PTN: variants seen among roughly 807,000 people sequenced by gnomAD.
The protein encoded by PTN is heparin affin regulatory protein.
A neutral mutation model predicts 24.1 loss-of-function variants in PTN; 18 were observed. That is an observed-to-expected ratio of 0.75 (90% CI 0.52 to 1.11). The LOEUF is 1.11. PTN is among the 50% of genes least tolerant of loss of function. PTN has a pLI of 0.00. For missense variants in PTN, 163 were observed against 198.8 expected (o/e 0.82, Z 1.08); for synonymous variants, 78 against 68.6 (o/e 1.14, Z -0.67).
rs764352605 is a variant in PTN, at chr7:137,251,300, G to A, written c.381C>T (p.His127=). Reference sequence around the variant, plus strand: ...TGACAGTCTTCTGGCATTCGGCATTGTGCAGGGCTCGCTTCAGACTTCCAG... The same window carrying A: ...TGACAGTCTTCTGGCATTCGGCATTATGCAGGGCTCGCTTCAGACTTCCAG... The part of the protein sequence containing the change: ...TRTGSLKRAL[H]NAECQKTVTI... The change falls in exon 4 of 5, where the codon CAC becomes CAT. Residue 127 remains histidine, a synonymous_variant. Coordinates refer to ENST00000348225, the MANE Select transcript of PTN (RefSeq NM_002825.7). The A allele has an allele frequency of 6.2e-7, 1 of 1,614,120 alleles. No individual in the cohort carries two copies. Among genetic ancestry groups the A allele is most frequent in the East Asian group, 2.2e-5 (1 of 44,856 alleles).
intron 1 of PTN, among the ~76,000 whole-genome samples, chr7:137,260,258 C>T (rs1288932003): frequency 6.6e-6 from 1 of 152,072 alleles, no homozygotes. Flanking sequence ...GATTCAGTTG[C>T]ATAAACTCTC....
chr7:137,231,690 T>C (rs555075068), intron 4 of PTN, among the ~76,000 whole-genome samples: 22 of 152,062 alleles, frequency 1.4e-4, no homozygotes, highest in Admixed American at 1.2e-3. Flanking sequence ...TTCAACCCAT[T>C]ACTATATAGA....
In PTN at chr7:137,335,927, G is replaced by GC. The variant is rs765096185; in HGVS notation, c.-2+7511dup. Among the ~76,000 whole-genome samples, 219 of 118,134 alleles carry GC rather than the reference G, an allele frequency of 1.9e-3. 3 individuals are homozygous for GC. In the East Asian group the frequency reaches 0.03, roughly 16 times the overall value. 77.5% of individuals were successfully genotyped at this position (118,134 alleles called of 152,430 possible). A position where few individuals can be genotyped will look rare whatever the true frequency, so the allele number is the denominator to read the frequency against. On this transcript the variant is annotated intron_variant, in intron 1 of 4. Coordinates refer to ENST00000348225, the MANE Select transcript of PTN (RefSeq NM_002825.7). ...TCAGCCTCATTTAAGATGTCTTCTC[G>GC]CTTTTTTTTTTTTTTTTTAGTATGA...
At chr7:137,306,031 A>G (rs767136139) in intron 1 of PTN, among the ~76,000 whole-genome samples, 6 of 152,068 alleles carry the variant, frequency 3.9e-5, no homozygotes, top group African/African-American at 7.2e-5. Context: ...AAAGAACCCA[A>G]AAAGGGACTA....
At chr7:137,314,545 C>T (rs1810037224) in intron 1 of PTN, among the ~76,000 whole-genome samples, 1 of 150,952 alleles carries the variant, frequency 6.6e-6, no homozygotes, top group African/African-American at 2.4e-5. Flanking sequence ...ATACATTATG[C>T]CTATTTTTAT....
intron 4 of PTN, among the ~76,000 whole-genome samples, chr7:137,244,523 C>T (rs555766434): frequency 1.3e-4 from 19 of 151,804 alleles, no homozygotes; most frequent in Non-Finnish European, 2.6e-4. Flanking sequence ...AATGCTATCC[C>T]TCCCCCCTCC....
chr7:137,299,970 G>A (rs1048225964), intron 1 of PTN, among the ~76,000 whole-genome samples: 3 of 151,784 alleles, frequency 2.0e-5, no homozygotes, highest in Non-Finnish European at 4.4e-5. Flanking sequence ...ATTCTTTCAC[G>A]GAAAGCCTAT....
At chr7:137,264,055 T>C (rs561271284) in intron 1 of PTN, among the ~76,000 whole-genome samples, 1 of 152,268 alleles carries the variant, frequency 6.6e-6, no homozygotes, top group South Asian at 2.1e-4. Context: ...TATTGTCCAA[T>C]ATTTGAAACT....
chr7:137,253,621 C>T lies in PTN; in HGVS notation c.132G>A (p.Lys44=), dbSNP rs755791987. The T allele has an allele frequency of 5.8e-6, 9 of 1,546,948 alleles. No individual in the cohort carries two copies. The Admixed American group carries it at 1.2e-4, about 20-fold the overall frequency. ...KKEKPEKKVK[K]SDCGEWQWSV... ...TCCACTGCCATTCTCCACAGTCAGA[C>T]TTCTTCACTTTTTTTTCTGAATGAA... The change falls in exon 3 of 5, where the codon AAG becomes AAA. Residue 44 remains lysine, a synonymous_variant. Coordinates refer to ENST00000348225, the MANE Select transcript of PTN (RefSeq NM_002825.7).
intron 1 of PTN, among the ~76,000 whole-genome samples, chr7:137,334,909 T>C (rs894648734): frequency 1.3e-4 from 19 of 151,578 alleles, no homozygotes; most frequent in African/African-American, 3.9e-4. Flanking sequence ...TGGATGAAAT[T>C]GGAAATCATC....
At chr7:137,240,872 T>G (rs564562682) in intron 4 of PTN, among the ~76,000 whole-genome samples, 22 of 152,300 alleles carry the variant, frequency 1.4e-4, no homozygotes, top group African/African-American at 3.4e-4. Flanking sequence ...TGCATTTAAG[T>G]CCTCTGCATA....
chr7:137,260,035 T>C (rs1809006288), intron 1 of PTN, among the ~76,000 whole-genome samples: 1 of 152,104 alleles, frequency 6.6e-6, no homozygotes, highest in African/African-American at 2.4e-5. Flanking sequence ...TTTTTGCTAG[T>C]GGAAAACATC....
chr7:137,243,009 T>C (rs957346518), intron 4 of PTN, among the ~76,000 whole-genome samples: 6 of 152,230 alleles, frequency 3.9e-5, no homozygotes, highest in Non-Finnish European at 8.8e-5. Context: ...CGATCTTGAC[T>C]CACTGCAACG....
chr7:137,333,228 A>G (rs2128882992), intron 1 of PTN, among the ~76,000 whole-genome samples: 1 of 152,262 alleles, frequency 6.6e-6, no homozygotes, highest in African/African-American at 2.4e-5. Flanking sequence ...ACCTTCCACC[A>G]TGAGTGGATG....
intron 2 of PTN, among the ~76,000 whole-genome samples, chr7:137,254,280 A>G (rs117935486): frequency 0.026 from 3,853 of 150,174 alleles, 87 homozygotes; most frequent in Non-Finnish European, 0.036. Context: ...CTGGTGACAG[A>G]GCGAGACTCC....
intron 1 of PTN, among the ~76,000 whole-genome samples, chr7:137,303,437 T>C (rs956988767): frequency 3.9e-5 from 6 of 151,958 alleles, no homozygotes; most frequent in African/African-American, 1.4e-4. Flanking sequence ...CTTATCTTAG[T>C]ATGACTCTCA....
chr7:137,325,650 T>C (rs1425181709), intron 1 of PTN: 3 of 152,246 alleles, frequency 2.0e-5, no homozygotes, highest in Non-Finnish European at 4.4e-5. Flanking sequence ...AATCTGGCTT[T>C]CACTGTCACC....
At chr7:137,298,600 C>T (rs1440757541) in intron 1 of PTN, among the ~76,000 whole-genome samples, 1 of 151,898 alleles carries the variant, frequency 6.6e-6, no homozygotes, top group Admixed American at 6.6e-5. Flanking sequence ...TGAGAACAGA[C>T]TGTTTCCATA....
chr7:137,266,006 AGT>A (rs1357829665), intron 1 of PTN, among the ~76,000 whole-genome samples: 1 of 152,208 alleles, frequency 6.6e-6, no homozygotes, highest in Admixed American at 6.5e-5. Context: ...CTTTTATATT[AGT>A]GTGTTATTAA....
Sources: gnomAD v4.1 joint callset for allele counts (sites outside exome capture counted in the v4.1 genomes callset) on GRCh38, gnomAD v4.1.1 for gene constraint, MANE v1.5 for transcripts, NCBI Gene and HGNC (gene_info 2026-07-23, HGNC 2026-07-21) for gene names.